The following TENM1 variants were observed in gnomAD, a reference collection of about 807,000 sequenced individuals.
TENM1 encodes teneurin transmembrane protein 1, also known as teneurin-1.
Under a neutral mutation model 174.8 loss-of-function variants are expected in TENM1, and 35 were observed. The observed-to-expected ratio is 0.20, with a 90% CI of 0.15 to 0.27. The LOEUF is 0.27. Among genes scored for constraint, TENM1 ranks in the 10% least tolerant of loss-of-function variants. The pLI, the probability that TENM1 is intolerant of heterozygous loss-of-function variation, is 1.00. For synonymous variants in TENM1, 781 were observed against 798.7 expected (o/e 0.98, Z 0.37); for missense variants, 1,633 against 2,130.1 (o/e 0.77, Z 4.59).
the TENM1 span, among the ~76,000 whole-genome samples, chrX:124,977,333 C>A: frequency 3.7e-3 from 415 of 111,482 alleles, 3 homozygotes; most frequent in African/African-American, 0.011. Flanking sequence ...AAATATCATT[C>A]AGGGAGTCAA....
chrX:125,179,145 A>G, the TENM1 span, among the ~76,000 whole-genome samples: 1 of 111,722 alleles, frequency 9.0e-6, no homozygotes. Context: ...TGGCTCACCA[A>G]ACTCAACAGG....
chrX:124,816,331 T>C (rs1212592203), intron 3 of TENM1, among the ~76,000 whole-genome samples: 1 of 112,360 alleles, frequency 8.9e-6, no homozygotes, highest in African/African-American at 3.2e-5. Context: ...AATGCATGTA[T>C]GTGTATATGA....
chrX:124,695,566 G>C (rs770698950), intron 5 of TENM1, among the ~76,000 whole-genome samples: 28 of 111,342 alleles, frequency 2.5e-4, no homozygotes, highest in Non-Finnish European at 5.1e-4. Flanking sequence ...GAGGCAGTCA[G>C]TGAGTAATCC....
intron 3 of TENM1, among the ~76,000 whole-genome samples, chrX:124,783,397 AT>A (rs200222552): frequency 0.046 from 5,163 of 112,025 alleles, 186 homozygotes; most frequent in African/African-American, 0.12. Flanking sequence ...TAGTTATTAT[AT>A]AAAAATTGCT....
At chrX:124,932,029 T>C (rs1023842934) in intron 1 of TENM1, among the ~76,000 whole-genome samples, 1 of 111,998 alleles carries the variant, frequency 8.9e-6, no homozygotes, top group Non-Finnish European at 1.9e-5. Flanking sequence ...TCATTGATGC[T>C]TGCAAAAGTC....
intron 11 of TENM1, among the ~76,000 whole-genome samples, chrX:124,591,721 T>C (rs1349165172): frequency 3.6e-5 from 4 of 111,779 alleles, no homozygotes; most frequent in African/African-American, 6.5e-5. Context: ...TCATTCTGTA[T>C]AGTATTTCTC....
chrX:125,016,642 A>T, the TENM1 span, among the ~76,000 whole-genome samples: 1 of 111,709 alleles, frequency 9.0e-6, no homozygotes, highest in Non-Finnish European at 1.9e-5. Flanking sequence ...TACTGCCCAA[A>T]GTAATTTACA....
the TENM1 span, among the ~76,000 whole-genome samples, chrX:124,976,243 C>A: frequency 9.0e-6 from 1 of 111,488 alleles, no homozygotes; most frequent in African/African-American, 3.2e-5. Flanking sequence ...CACATTTAAT[C>A]CTCAAAAATG....
intron 19 of TENM1, among the ~76,000 whole-genome samples, chrX:124,503,342 G>A (rs1490258012): frequency 2.7e-5 from 3 of 111,267 alleles, no homozygotes; most frequent in East Asian, 2.8e-4. Flanking sequence ...GAACAGCAGG[G>A]AGAGTGGTCC....
intron 1 of TENM1, among the ~76,000 whole-genome samples, chrX:124,902,503 A>G (rs1000147189): frequency 1.8e-5 from 2 of 112,481 alleles, no homozygotes; most frequent in African/African-American, 6.5e-5. Context: ...TAAAAATATT[A>G]CTGACCCACT....
chrX:124,990,414 G>A, the TENM1 span, among the ~76,000 whole-genome samples: 1 of 112,955 alleles, frequency 8.9e-6, no homozygotes, highest in African/African-American at 3.2e-5. Context: ...CAAAGGGCTT[G>A]AGGTTTTGCT....
the TENM1 span, among the ~76,000 whole-genome samples, chrX:125,184,557 G>C: frequency 9.0e-6 from 1 of 111,318 alleles, no homozygotes; most frequent in East Asian, 2.8e-4. Context: ...TTCTGATACA[G>C]ACTAATATCC....
rs142599111 is a variant in TENM1 at position 124,797,064 on chromosome X, C to T, written c.536-59867G>A. On this transcript the variant is annotated intron_variant, in intron 3 of 31. Transcript: ENST00000422452. ...TAGCCACTTCACCATGAGCTCACTTCCACGCTTCTTCCAACTCTGAAATGG... is the reference window on the plus strand; with the variant it reads ...TAGCCACTTCACCATGAGCTCACTTTCACGCTTCTTCCAACTCTGAAATGG... 6.6e-3 allele frequency among the ~76,000 whole-genome samples: 741 copies of T among 111,768 alleles called. 3 individuals carry two copies. Among genetic ancestry groups the T allele is most frequent in the Middle Eastern group, 0.014 (3 of 216 alleles).
the TENM1 span, among the ~76,000 whole-genome samples, chrX:125,067,949 A>C: frequency 8.9e-6 from 1 of 111,826 alleles, no homozygotes; most frequent in African/African-American, 3.2e-5. Context: ...TGAAAGACAC[A>C]TGTTCAAAGG....
rs188735355 is a variant in TENM1, at chrX:124,376,398, T to A, written c.*4138A>T. ...AGTAAAGATTTAGACGTTGTCATGATTCATACAAGTAAAATATTTTTCAAG... is the reference window on the plus strand; with the variant it reads ...AGTAAAGATTTAGACGTTGTCATGAATCATACAAGTAAAATATTTTTCAAG... On this transcript the variant is annotated 3_prime_UTR_variant, in exon 32 of 32. Transcript: ENST00000422452. 20 of 112,438 alleles carry A rather than the reference T, an allele frequency of 1.8e-4. No homozygotes were observed. In the East Asian group the frequency reaches 5.5e-3, roughly 31 times the overall value. 9.3% of individuals were successfully genotyped at this position (112,438 alleles called of 1,213,427 possible).
the TENM1 span, among the ~76,000 whole-genome samples, chrX:125,036,330 A>T: frequency 8.9e-6 from 1 of 111,931 alleles, no homozygotes; most frequent in Admixed American, 9.5e-5. Flanking sequence ...CCCTAAATAA[A>T]GCATCGTGGC....
At chrX:124,874,677 C>T (rs1207999792) in intron 3 of TENM1, among the ~76,000 whole-genome samples, 2 of 110,942 alleles carry the variant, frequency 1.8e-5, no homozygotes, top group Non-Finnish European at 3.8e-5. Context: ...CTTATTTTCA[C>T]ATTTAATTTT....
At chrX:124,915,702 A>G (rs1361663274) in intron 1 of TENM1, among the ~76,000 whole-genome samples, 1 of 112,163 alleles carries the variant, frequency 8.9e-6, no homozygotes, top group Admixed American at 9.4e-5. Flanking sequence ...CACCATAAAG[A>G]ATGATGATTC....
chrX:124,591,335 T>C (rs985200441), intron 11 of TENM1, among the ~76,000 whole-genome samples: 1 of 112,033 alleles, frequency 8.9e-6, no homozygotes. Flanking sequence ...ATGTGGGCTA[T>C]GTACTGGAGG....
Sources: gnomAD v4.1 joint callset for allele counts (sites outside exome capture counted in the v4.1 genomes callset) on GRCh38, gnomAD v4.1.1 for gene constraint, MANE v1.5 for transcripts, NCBI Gene and HGNC (gene_info 2026-07-23, HGNC 2026-07-21) for gene names.